Variants in RGS7 observed in about 807,000 individuals in gnomAD.
The protein encoded by RGS7 is regulator of G-protein signaling 7.
In RGS7, 27 loss-of-function variants were observed where a neutral mutation model predicts 81.1. The observed-to-expected ratio is 0.33, with a 90% confidence interval of 0.25 to 0.46. The LOEUF is 0.46. Among genes scored for constraint, RGS7 ranks in the 20% least tolerant of loss-of-function variants. The pLI, the probability that RGS7 is intolerant of heterozygous loss-of-function variation, is 1.00. For synonymous variants in RGS7, 208 were observed against 207.7 expected (o/e 1.00, Z -0.01); for missense variants, 396 against 607.4 (o/e 0.65, Z 3.66).
At chr1:241,087,995 T>TATACAC (rs1553414167) in intron 3 of RGS7, among the ~76,000 whole-genome samples, 15 of 116,338 alleles carry the variant, frequency 1.3e-4, no homozygotes, top group Non-Finnish European at 2.2e-4. Flanking sequence ...TATATATATA[T>TATACAC]ACACACACAC....
chr1:241,322,236 A>G (rs960697635), intron 2 of RGS7, among the ~76,000 whole-genome samples: 5 of 152,188 alleles, frequency 3.3e-5, no homozygotes, highest in African/African-American at 1.2e-4. Context: ...GCTCACCTTT[A>G]TAAGTAACTG....
intron 2 of RGS7, among the ~76,000 whole-genome samples, chr1:241,125,127 G>C (rs906233986): frequency 1.3e-5 from 2 of 152,140 alleles, no homozygotes; most frequent in Non-Finnish European, 2.9e-5. Flanking sequence ...CCATTGGACA[G>C]TGTGAAGAAG....
At position 240,802,982 on chromosome 1, in the gene RGS7, G is replaced by A. The variant is rs1344780190; in HGVS notation, c.1281C>T (p.Tyr427=). The A allele has an allele frequency of 6.2e-7, 1 of 1,606,292 alleles. No homozygotes were observed. Among genetic ancestry groups the A allele is most frequent in the Admixed American group, 1.7e-5 (1 of 59,962 alleles). Residue 427 remains tyrosine, a synonymous_variant, in exon 16 of 19, where the codon TAC becomes TAT. Coordinates refer to ENST00000440928, the MANE Select transcript of RGS7 (RefSeq NM_001364886.1). ...GGTATGAATCACTTTTCATCAGTTT[G>A]TAAATGTGCTCCTAAAAAGAAATAA... is the stretch of plus-strand genomic sequence containing the variant. The part of the protein sequence containing the change: ...YTFEDAQEHI[Y]KLMKSDSYPR...
At chr1:241,114,246 GAC>G (rs1207361078) in intron 2 of RGS7, among the ~76,000 whole-genome samples, 3 of 152,080 alleles carry the variant, frequency 2.0e-5, no homozygotes, top group East Asian at 3.9e-4. Context: ...GAGAAAGCTA[GAC>G]ACTCCTCAAT....
At chr1:240,933,813 T>G (rs1192267305) in intron 5 of RGS7, among the ~76,000 whole-genome samples, 1 of 151,942 alleles carries the variant, frequency 6.6e-6, no homozygotes, top group African/African-American at 2.4e-5. Context: ...TAAGAGAGGA[T>G]GATTAGACAA....
intron 9 of RGS7, among the ~76,000 whole-genome samples, chr1:240,847,499 T>C (rs1012557983): frequency 5.3e-5 from 8 of 152,214 alleles, no homozygotes; most frequent in African/African-American, 1.9e-4. Flanking sequence ...GAAGTCTTTG[T>C]ATCTGAGGCA....
chr1:241,241,322 T>C (rs754422521), intron 2 of RGS7, among the ~76,000 whole-genome samples: 3 of 151,968 alleles, frequency 2.0e-5, no homozygotes, highest in Non-Finnish European at 4.4e-5. Flanking sequence ...GCAAATGTAA[T>C]TGTGGTTTTT....
At chr1:240,998,756 G>A (rs772023285) in intron 3 of RGS7, 1 of 776,198 alleles carries the variant, frequency 1.3e-6, no homozygotes, top group Non-Finnish European at 2.3e-6. Flanking sequence ...GCGGAATGAG[G>A]GCCAGGTAGA....
At chr1:241,103,046 A>G (rs2064874466) in intron 2 of RGS7, among the ~76,000 whole-genome samples, 1 of 151,810 alleles carries the variant, frequency 6.6e-6, no homozygotes, top group Non-Finnish European at 1.5e-5. Flanking sequence ...GTTAGACAGT[A>G]AGAGGTATGA....
At chr1:240,838,800 T>G (rs1695122047) in intron 9 of RGS7, among the ~76,000 whole-genome samples, 1 of 151,878 alleles carries the variant, frequency 6.6e-6, no homozygotes, top group Admixed American at 6.6e-5. Flanking sequence ...AGAGTCTTGC[T>G]CTGTCGCCCA....
chr1:241,031,762 T>C (rs1335945240), intron 3 of RGS7, among the ~76,000 whole-genome samples: 2 of 152,216 alleles, frequency 1.3e-5, no homozygotes, highest in African/African-American at 4.8e-5. Flanking sequence ...TTGTTGGCCA[T>C]TTTTATGTCT....
chr1:240,984,034 T>C (rs1181844522), intron 3 of RGS7, among the ~76,000 whole-genome samples: 1 of 152,150 alleles, frequency 6.6e-6, no homozygotes, highest in Non-Finnish European at 1.5e-5. Context: ...ACGTAAAAAC[T>C]AAAAGGTGGA....
At chr1:241,268,157 C>A (rs970480978) in intron 2 of RGS7, among the ~76,000 whole-genome samples, 1 of 152,190 alleles carries the variant, frequency 6.6e-6, no homozygotes, top group Non-Finnish European at 1.5e-5. Flanking sequence ...GAGGACTTTT[C>A]TGCTTTCTGG....
At chr1:241,173,388 G>A (rs1319029806) in intron 2 of RGS7, among the ~76,000 whole-genome samples, 6 of 152,170 alleles carry the variant, frequency 3.9e-5, no homozygotes, top group Middle Eastern at 3.2e-3. Flanking sequence ...ACATGGTTTA[G>A]GAATTTAATA....
chr1:241,056,191 A>G (rs1197119557), intron 3 of RGS7, among the ~76,000 whole-genome samples: 1 of 152,160 alleles, frequency 6.6e-6, no homozygotes, highest in African/African-American at 2.4e-5. Flanking sequence ...GGACCTTTGC[A>G]TACATTATTC....
Position 241,327,021 on chromosome 1 carries a change from A to AG in RGS7, c.78+28677dup, listed in dbSNP as rs1197748180. Among the ~76,000 whole-genome samples, 17 of 12,064 alleles carry AG rather than the reference A, an allele frequency of 1.4e-3. 1 individual carries two copies. In the South Asian group the frequency reaches 0.029, roughly 21 times the overall value. The allele number at this position is 12,064 out of a possible 152,430, so 7.9% of individuals were successfully genotyped here. A position where few individuals can be genotyped will look rare whatever the true frequency, so the allele number is the denominator to read the frequency against. On this transcript the variant is annotated intron_variant, in intron 2 of 18. Transcript: ENST00000440928. Reference sequence around the variant, plus strand: ...AAGGAAGGAAGGAAGGAAGGAAGGAAGGAAGGAAGGAAGGAAGGGAGGGAG... The same window carrying AG: ...AAGGAAGGAAGGAAGGAAGGAAGGAAGGGAAGGAAGGAAGGAAGGGAGGGAG...
At chr1:240,915,837 A>G (rs1672510361) in intron 6 of RGS7, among the ~76,000 whole-genome samples, 1 of 152,180 alleles carries the variant, frequency 6.6e-6, no homozygotes. Flanking sequence ...GAAATAAAAA[A>G]CATAATAGAA....
chr1:241,264,484 G>A (rs959380601), intron 2 of RGS7, among the ~76,000 whole-genome samples: 39 of 151,958 alleles, frequency 2.6e-4, no homozygotes, highest in African/African-American at 8.5e-4. Context: ...GCAACAGAGT[G>A]AGACCCTGTC....
chr1:241,249,306 ATT>A (rs201435037), intron 2 of RGS7, among the ~76,000 whole-genome samples: 6 of 144,656 alleles, frequency 4.1e-5, no homozygotes, highest in African/African-American at 1.5e-4. Flanking sequence ...AAAGGTCAAG[ATT>A]TTTTTTTTTT....
Sources: gnomAD v4.1 joint callset for allele counts (sites outside exome capture counted in the v4.1 genomes callset) on GRCh38, gnomAD v4.1.1 for gene constraint, MANE v1.5 for transcripts, NCBI Gene and HGNC (gene_info 2026-07-23, HGNC 2026-07-21) for gene names.